Variants in UBR3 observed in about 807,000 individuals in gnomAD.
The protein encoded by UBR3 is ubiquitin protein ligase E3 component n-recognin 3.
Under a neutral mutation model 243.2 loss-of-function variants are expected in UBR3, and 85 were observed. That is an observed-to-expected ratio of 0.35 (90% CI 0.29 to 0.42). The LOEUF is 0.42. Ranked by LOEUF, UBR3 falls within the 10% of genes least tolerant of loss-of-function variation. The probability of loss-of-function intolerance (pLI) is 1.00; values close to 1 mark genes in which losing one functional copy is unlikely to be tolerated. For missense variants in UBR3, 1,686 were observed against 2,300.8 expected, an observed-to-expected ratio of 0.73 and a Z score of 5.47; for synonymous variants, 748 against 799.8, an observed-to-expected ratio of 0.94 and a Z score of 1.09.
chr2:170,061,189 AT>A lies in UBR3; in HGVS notation c.4893+4del. 1 of 1,586,290 alleles carries A rather than the reference AT, an allele frequency of 6.3e-7. No homozygotes were observed. Among genetic ancestry groups the A allele is most frequent in the South Asian group, 1.2e-5 (1 of 85,004 alleles). The stretch of plus-strand genomic sequence containing the variant: ...AAGGAACTCAGGAATGTGCAATGGT[AT>A]GTTTCTGCAAAAATCAGATGTAGCG... On this transcript the variant is annotated splice_donor_region_variant and intron_variant, in intron 34 of 38. Transcript: ENST00000272793.
intron 24 of UBR3, among the ~76,000 whole-genome samples, chr2:169,963,717 G>A (rs2087683017): frequency 2.0e-5 from 3 of 151,974 alleles, no homozygotes; most frequent in African/African-American, 7.3e-5. Flanking sequence ...CCTAACCTAG[G>A]TTATACCCTT....
chr2:169,999,198 G>A (rs1354363877), intron 26 of UBR3, among the ~76,000 whole-genome samples: 3 of 152,204 alleles, frequency 2.0e-5, no homozygotes, highest in Non-Finnish European at 2.9e-5. Flanking sequence ...GTTTATTAAC[G>A]GACTACCAAT....
intron 29 of UBR3, among the ~76,000 whole-genome samples, chr2:170,011,249 T>C (rs73019525): frequency 0.095 from 14,469 of 152,188 alleles, 825 homozygotes; most frequent in African/African-American, 0.16. Flanking sequence ...ATGTTGTATT[T>C]AAATACATTG....
intron 23 of UBR3, among the ~76,000 whole-genome samples, chr2:169,952,719 T>C (rs1256665666): frequency 6.6e-6 from 1 of 151,388 alleles, no homozygotes; most frequent in Non-Finnish European, 1.5e-5. Flanking sequence ...TTATAAAAAA[T>C]TTATATTAAT....
chr2:169,867,980 A>G (rs1032975245), intron 1 of UBR3, among the ~76,000 whole-genome samples: 2 of 152,214 alleles, frequency 1.3e-5, no homozygotes, highest in South Asian at 2.1e-4. Context: ...TAAAACATAT[A>G]TAAAAGCAGT....
At chr2:170,001,257 TG>T in intron 26 of UBR3, 46 bp from the exon 27 acceptor site, 1 of 1,319,392 alleles carries the variant, frequency 7.6e-7, no homozygotes, top group Non-Finnish European at 1.1e-6. Flanking sequence ...TAAATATGTT[TG>T]TACTTCTTTA....
chr2:169,841,905 G>T (rs898146059), intron 1 of UBR3, among the ~76,000 whole-genome samples: 1 of 152,250 alleles, frequency 6.6e-6, no homozygotes, highest in East Asian at 1.9e-4. Flanking sequence ...CCACCCAAGG[G>T]CTGAGGAATG....
intron 24 of UBR3, among the ~76,000 whole-genome samples, chr2:169,980,198 T>G (rs1028545436): frequency 2.0e-5 from 3 of 152,196 alleles, no homozygotes; most frequent in Non-Finnish European, 2.9e-5. Context: ...AGAGCTGGAT[T>G]TCTCGCCGTT....
At chr2:169,986,582 C>G (rs924472842) in intron 24 of UBR3, 63 bp from the exon 25 acceptor site, 14 of 1,496,248 alleles carry the variant, frequency 9.4e-6, no homozygotes, top group Non-Finnish European at 1.3e-5. Flanking sequence ...TTTTCTCTCA[C>G]ACTTTCATTG....
At chr2:169,927,278 A>T in intron 16 of UBR3, 42 bp from the exon 17 acceptor site, 1 of 1,486,014 alleles carries the variant, frequency 6.7e-7, no homozygotes, top group Non-Finnish European at 9.1e-7. Context: ...TTTATAATTT[A>T]TGTATACTCA....
intron 23 of UBR3, among the ~76,000 whole-genome samples, chr2:169,951,564 G>T (rs1559127114): frequency 6.6e-6 from 1 of 152,146 alleles, no homozygotes; most frequent in Admixed American, 6.6e-5. Flanking sequence ...GTGTTAATGG[G>T]AGTAGTAGGA....
chr2:169,851,968 G>A (rs911386108), intron 1 of UBR3, among the ~76,000 whole-genome samples: 1 of 152,106 alleles, frequency 6.6e-6, no homozygotes, highest in Non-Finnish European at 1.5e-5. Context: ...ACATTTACAT[G>A]AAGACATCTT....
intron 1 of UBR3, among the ~76,000 whole-genome samples, chr2:169,845,530 CGTCTTCTTCTTCTTCTTCTTCT>C (rs2082445439): frequency 7.9e-6 from 1 of 127,024 alleles, no homozygotes; most frequent in East Asian, 2.1e-4. Flanking sequence ...TCGTCGTCGT[CGTCTTCTTCTTCTTCTTCTTCT>C]TTCTTCTTCT....
chr2:169,907,703 A>G (rs1399213401), intron 10 of UBR3, among the ~76,000 whole-genome samples: 1 of 152,140 alleles, frequency 6.6e-6, no homozygotes, highest in East Asian at 1.9e-4. Context: ...TTTTTCCTAT[A>G]GAGACATTTA....
intron 11 of UBR3, among the ~76,000 whole-genome samples, chr2:169,916,049 T>G (rs982478193): frequency 6.6e-6 from 1 of 152,168 alleles, no homozygotes; most frequent in Non-Finnish European, 1.5e-5. Flanking sequence ...CCTGGTTACT[T>G]TTAGTGTGGA....
At chr2:169,989,108 C>T (rs2089163253) in intron 25 of UBR3, among the ~76,000 whole-genome samples, 1 of 152,150 alleles carries the variant, frequency 6.6e-6, no homozygotes, top group Non-Finnish European at 1.5e-5. Context: ...TTGTTCCCTC[C>T]TTATTAGAAT....
In UBR3 at chr2:169,943,806, C is replaced by T. The variant is rs552470931; in HGVS notation, c.2805+1172C>T. Among the ~76,000 whole-genome samples the T allele has an allele frequency of 2.5e-4, 38 of 152,014 alleles. 1 individual carries two copies. Among genetic ancestry groups the T allele is most frequent in the African/African-American group, 8.4e-4 (35 of 41,484 alleles). ...TATACAAATTTCCAATTACTATGTA[C>T]AATCATTTAACACATTATTTAAGAA... On this transcript the variant is annotated intron_variant, in intron 20 of 38. Transcript: ENST00000272793.
chr2:170,082,969 T>C lies in UBR3; in HGVS notation c.*1126T>C, dbSNP rs1390525632. ...TAAAAATCAGTAAAAATGGGAATGATTGAGCTAAAACCCACTCTATGAGAA... is the reference window on the plus strand; with the variant it reads ...TAAAAATCAGTAAAAATGGGAATGACTGAGCTAAAACCCACTCTATGAGAA... On this transcript the variant is annotated 3_prime_UTR_variant, in exon 39 of 39. Coordinates refer to ENST00000272793, the MANE Select transcript of UBR3 (RefSeq NM_172070.4). 5 of 152,582 alleles carry C rather than the reference T, an allele frequency of 3.3e-5. No individual in the cohort carries two copies. Among genetic ancestry groups the C allele is most frequent in the East Asian group, 1.9e-4 (1 of 5,200 alleles). The allele number at this position is 152,582 out of a possible 1,614,324, so 9.5% of individuals were successfully genotyped here.
At chr2:169,861,522 G>A (rs1044674814) in intron 1 of UBR3, among the ~76,000 whole-genome samples, 3 of 151,218 alleles carry the variant, frequency 2.0e-5, no homozygotes, top group Admixed American at 6.6e-5. Context: ...CAGGAGAATC[G>A]TTGGAACCTG....
Sources: gnomAD v4.1 joint callset for allele counts (sites outside exome capture counted in the v4.1 genomes callset) on GRCh38, gnomAD v4.1.1 for gene constraint, MANE v1.5 for transcripts, NCBI Gene and HGNC (gene_info 2026-07-23, HGNC 2026-07-21) for gene names.